MGAM: variants seen among roughly 807,000 people sequenced by gnomAD.
MGAM encodes alpha-1,4-glucosidase.
MGAM carries 253 observed loss-of-function variants against 358.8 expected under a neutral mutation model. The observed-to-expected ratio is 0.71, with a 90% confidence interval of 0.64 to 0.78. The LOEUF is 0.78. MGAM is among the 30% of genes least tolerant of loss of function. The pLI, the probability that MGAM is intolerant of heterozygous loss-of-function variation, is 0.00. For missense variants in MGAM, 3,080 were observed against 3,432.6 expected (o/e 0.90, Z 2.57); for synonymous variants, 1,105 against 1,227.1 (o/e 0.90, Z 2.08).
chr7:142,059,726 C>T, intron 32 of MGAM, 126 bp downstream of exon 32: 1 of 1,573,942 alleles, frequency 6.4e-7, no homozygotes, highest in Non-Finnish European at 8.6e-7. Flanking sequence ...AGGTGTATTT[C>T]CCAGGACTCA....
chr7:142,078,576 G>A, intron 48 of MGAM, 106 bp downstream of exon 48: 1 of 1,218,488 alleles, frequency 8.2e-7, no homozygotes, highest in Non-Finnish European at 1.1e-6. Context: ...TCCATAGAAA[G>A]GACTTCCTAA....
intron 67 of MGAM, among the ~76,000 whole-genome samples, chr7:142,100,334 G>A (rs1185520435): frequency 1.3e-5 from 2 of 152,194 alleles, no homozygotes; most frequent in Non-Finnish European, 1.5e-5. Context: ...CAGCTACTAA[G>A]TACATGAATG....
At chr7:142,070,436 C>T (rs1427417179) in intron 43 of MGAM, among the ~76,000 whole-genome samples, 6 of 145,962 alleles carry the variant, frequency 4.1e-5, no homozygotes, top group Non-Finnish European at 7.8e-5. Flanking sequence ...TTGTTGTCAA[C>T]AATAACTGCT....
intron 31 of MGAM, 108 bp downstream of exon 31, chr7:142,058,436 T>C (rs1811770461): frequency 3.9e-6 from 6 of 1,541,030 alleles, no homozygotes; most frequent in Non-Finnish European, 4.4e-6. Context: ...TAAAGTTCTT[T>C]TTCAGACAAT....
intron 38 of MGAM, 52 bp from the exon 39 acceptor site, chr7:142,065,536 A>G (rs1585044870): frequency 6.2e-7 from 1 of 1,613,964 alleles, no homozygotes; most frequent in African/African-American, 1.3e-5. Context: ...GGAAGAGGTG[A>G]GGAGGCAGAT....
rs1266517243 is a variant in MGAM at position 142,052,779 on chromosome 7, T to C, written c.2959-5T>C. 13 of 1,613,802 alleles carry C rather than the reference T, an allele frequency of 8.1e-6. No homozygotes were observed. The highest frequency in any genetic ancestry group is 1.1e-5 in the Non-Finnish European group (13 of 1,179,766). On this transcript the variant is annotated splice_region_variant and splice_polypyrimidine_tract_variant and intron_variant, in intron 25 of 70. Coordinates refer to ENST00000475668, the MANE Select transcript of MGAM (RefSeq NM_001365693.1). ...CTGATCTATGACTTTGGCCTTACTTTTCAGGCATCCAATTCTTCTGGAGTC... is the reference window on the plus strand; with the variant it reads ...CTGATCTATGACTTTGGCCTTACTTCTCAGGCATCCAATTCTTCTGGAGTC...
rs187791210 is a variant in MGAM, at chr7:142,094,139, A to G, written c.7173-225A>G. 4.5e-4 allele frequency among the ~76,000 whole-genome samples: 66 copies of G among 146,388 alleles called. 5 individuals are homozygous for G. Among genetic ancestry groups the G allele is most frequent in the African/African-American group, 1.6e-3 (64 of 41,282 alleles). ...TTCCTTACTATTTTTGGGGCACTCC[A>G]GTGAGTTTGCTACAGTGAAGTTCTT... On this transcript the variant is annotated intron_variant, in intron 60 of 70. Coordinates refer to ENST00000475668, the MANE Select transcript of MGAM (RefSeq NM_001365693.1).
chr7:142,009,786 A>G (rs1324208303), intron 3 of MGAM, among the ~76,000 whole-genome samples: 1 of 151,104 alleles, frequency 6.6e-6, no homozygotes, highest in Non-Finnish European at 1.5e-5. Flanking sequence ...TAGAAGATAC[A>G]TCTTAGAACT....
At chr7:142,081,336 G>A (rs1247082968) in intron 50 of MGAM, among the ~76,000 whole-genome samples, 1 of 146,114 alleles carries the variant, frequency 6.8e-6, no homozygotes, top group African/African-American at 2.4e-5. Context: ...GTAATTGAGG[G>A]TTATGGTGTG....
intron 63 of MGAM, among the ~76,000 whole-genome samples, chr7:142,095,102 G>A (rs1437023970): frequency 6.6e-6 from 1 of 152,130 alleles, no homozygotes; most frequent in Non-Finnish European, 1.5e-5. Flanking sequence ...GAATAGCTGG[G>A]ACTACAGGCA....
Position 142,088,996 on chromosome 7 carries a change from G to GTATGTATGTATATATCTATC in MGAM, c.6810+2282_6810+2283insGTATGTATATATCTATCTAT, listed in dbSNP as rs771119657. Among the ~76,000 whole-genome samples the GTATGTATGTATATATCTATC allele has an allele frequency of 3.8e-3, 449 of 118,046 alleles. 16 individuals carry two copies. Among genetic ancestry groups the GTATGTATGTATATATCTATC allele is most frequent in the African/African-American group, 0.012 (426 of 34,592 alleles). The allele number at this position is 118,046 out of a possible 152,430, so 77.4% of individuals were successfully genotyped here. A position where few individuals can be genotyped will look rare whatever the true frequency, so the allele number is the denominator to read the frequency against. The stretch of plus-strand genomic sequence containing the variant: ...TGTATGTATGTATGTATGTATGTAT[G>GTATGTATGTATATATCTATC]TATCTATCTATCTATCTATCTATCT... On this transcript the variant is annotated intron_variant, in intron 57 of 70. Coordinates refer to ENST00000475668, the MANE Select transcript of MGAM (RefSeq NM_001365693.1).
At chr7:142,007,340 T>C (rs1212317693) in intron 2 of MGAM, among the ~76,000 whole-genome samples, 2 of 152,164 alleles carry the variant, frequency 1.3e-5, no homozygotes, top group Admixed American at 6.6e-5. Flanking sequence ...TGGATTATGC[T>C]GAATTATCCA....
At chr7:142,094,080 A>G (rs1485654248) in intron 60 of MGAM, among the ~76,000 whole-genome samples, 1 of 146,298 alleles carries the variant, frequency 6.8e-6, no homozygotes, top group Non-Finnish European at 1.5e-5. Context: ...ATAGAAAACT[A>G]AGTTTTGGGG....
intron 57 of MGAM, among the ~76,000 whole-genome samples, chr7:142,091,398 G>C (rs999197108): frequency 1.4e-5 from 2 of 146,442 alleles, no homozygotes; most frequent in African/African-American, 2.4e-5. Context: ...CACAGCTGTA[G>C]TTGTCATGTG....
rs764028565 is a variant in MGAM at position 142,052,454 on chromosome 7, T to C, written c.2958+8T>C. 29 of 1,612,854 alleles carry C rather than the reference T, an allele frequency of 1.8e-5. No individual in the cohort carries two copies. The highest frequency in any genetic ancestry group is 1.3e-4 in the South Asian group (12 of 90,928). On this transcript the variant is annotated splice_region_variant and intron_variant, in intron 25 of 70. Transcript: ENST00000475668. Reference sequence around the variant, plus strand: ...CGTGGCTGTATCTGGGAGGTAACCATGCTGATGGGGTTTGTGTGCATGAGA... The same window carrying C: ...CGTGGCTGTATCTGGGAGGTAACCACGCTGATGGGGTTTGTGTGCATGAGA...
rs1815647571 is a variant in MGAM, at chr7:142,093,969, G to C, written c.7173-395G>C. On this transcript the variant is annotated intron_variant, in intron 60 of 70. Coordinates refer to ENST00000475668, the MANE Select transcript of MGAM (RefSeq NM_001365693.1). ...CACCATTCTTGGTGGAGGCTAATTG[G>C]TATTCCACTGAATTAGCACAGTCCT... 1.4e-5 allele frequency among the ~76,000 whole-genome samples: 2 copies of C among 145,864 alleles called. 1 individual carries two copies. The highest frequency in any genetic ancestry group is 3.1e-5 in the Non-Finnish European group (2 of 64,396).
Position 142,038,514 on chromosome 7 carries a change from G to A in MGAM, c.2232-17G>A, listed in dbSNP as rs755592943. On this transcript the variant is annotated splice_polypyrimidine_tract_variant and intron_variant, in intron 18 of 70. Coordinates refer to ENST00000475668, the MANE Select transcript of MGAM (RefSeq NM_001365693.1). ...GCAGTGGCTCAAATCTCAGTGAACT[G>A]TCTCTCTGGTTTTCAGGTTCTACGA... 3 of 1,591,790 alleles carry A rather than the reference G, an allele frequency of 1.9e-6. No homozygotes were observed. Among genetic ancestry groups the A allele is most frequent in the African/African-American group, 2.7e-5 (2 of 74,522 alleles).
intron 34 of MGAM, among the ~76,000 whole-genome samples, chr7:142,060,976 A>C (rs1206798666): frequency 6.6e-6 from 1 of 152,060 alleles, no homozygotes; most frequent in East Asian, 1.9e-4. Flanking sequence ...TGTTGCTTGT[A>C]ATGGATCCAA....
At chr7:142,095,498 A>G in intron 63 of MGAM, 67 bp from the exon 64 acceptor site, 2 of 1,605,652 alleles carry the variant, frequency 1.2e-6, no homozygotes, top group Non-Finnish European at 1.7e-6. Context: ...GTATGCTTTC[A>G]GTGACCTTCT....
Sources: allele counts gnomAD v4.1 joint callset (sites outside exome capture counted in the v4.1 genomes callset), GRCh38; gene constraint gnomAD v4.1.1; transcripts MANE v1.5; gene names NCBI Gene and HGNC (gene_info 2026-07-23, HGNC 2026-07-21).